The following OR9Q1 variants were observed in gnomAD, a reference collection of about 807,000 sequenced individuals.
OR9Q1 encodes the protein olfactory receptor 9Q1.
For missense variants in OR9Q1, 374 were observed against 378.8 expected (o/e 0.99, Z 0.11); for synonymous variants, 153 against 148.6 (o/e 1.03, Z -0.22).
intron 2 of OR9Q1, among the ~76,000 whole-genome samples, chr11:58,159,094 T>C (rs900538490): frequency 1.3e-5 from 2 of 152,036 alleles, no homozygotes; most frequent in Non-Finnish European, 2.9e-5. Flanking sequence ...TTAACTAATA[T>C]AAAAATCAGA....
At chr11:58,122,572 G>A (rs1854044949) in intron 2 of OR9Q1, among the ~76,000 whole-genome samples, 1 of 152,168 alleles carries the variant, frequency 6.6e-6, no homozygotes, top group Non-Finnish European at 1.5e-5. Flanking sequence ...AGCAATGCAG[G>A]CACTATTTCA....
At chr11:58,065,972 ACT>A (rs1461352261) in intron 2 of OR9Q1, among the ~76,000 whole-genome samples, 1 of 151,780 alleles carries the variant, frequency 6.6e-6, no homozygotes, top group Non-Finnish European at 1.5e-5. Flanking sequence ...ACCCCCAAAG[ACT>A]CTGAGGGAAC....
At chr11:58,155,748 T>C (rs1854401792) in intron 2 of OR9Q1, among the ~76,000 whole-genome samples, 1 of 152,150 alleles carries the variant, frequency 6.6e-6, no homozygotes, top group South Asian at 2.1e-4. Context: ...TCACCTGCTT[T>C]CCAAGGATGT....
chr11:58,062,887 G>A (rs542895148), intron 2 of OR9Q1, among the ~76,000 whole-genome samples: 29 of 152,278 alleles, frequency 1.9e-4, no homozygotes, highest in East Asian at 9.7e-4. Context: ...TTGAGGCTGC[G>A]TTGTTCTGCC....
At chr11:58,059,686 TCAAAAAAAAAAAA>T (rs1565064297) in intron 2 of OR9Q1, among the ~76,000 whole-genome samples, 1 of 15,460 alleles carries the variant, frequency 6.5e-5, no homozygotes. Context: ...AGGCTCTGTC[TCAAAAAAAAAAAA>T]AAAAAAAAAA....
At chr11:58,178,849 C>T (rs1854628861) in intron 2 of OR9Q1, among the ~76,000 whole-genome samples, 1 of 144,364 alleles carries the variant, frequency 6.9e-6, no homozygotes, top group African/African-American at 2.5e-5. Context: ...CTCTGAAGCC[C>T]TACATCACAC....
At chr11:58,159,692 G>A (rs1276641847) in intron 2 of OR9Q1, among the ~76,000 whole-genome samples, 2 of 152,220 alleles carry the variant, frequency 1.3e-5, no homozygotes, top group Non-Finnish European at 2.9e-5. Flanking sequence ...GAAAGTAATT[G>A]CCACAGTCTA....
At chr11:58,031,374 C>A in intron 1 of OR9Q1, 1 of 1,614,128 alleles carries the variant, frequency 6.2e-7, no homozygotes, top group African/African-American at 1.3e-5. Context: ...GCTTTTGTGT[C>A]CTGGGGCACC....
chr11:58,048,407 G>A (rs1382011009), intron 1 of OR9Q1, among the ~76,000 whole-genome samples: 1 of 151,266 alleles, frequency 6.6e-6, no homozygotes, highest in Non-Finnish European at 1.5e-5. Flanking sequence ...GGTGGCTCAC[G>A]CCTGTAATCC....
chr11:58,065,440 G>C (rs2441978), intron 2 of OR9Q1, among the ~76,000 whole-genome samples: 145,795 of 152,234 alleles, frequency 0.96, 70,143 homozygotes, highest in East Asian at 1. Context: ...TAAGACAGAC[G>C]TGGGGCAGGT....
chr11:58,106,718 CA>C (rs1297606334), intron 2 of OR9Q1, among the ~76,000 whole-genome samples: 1 of 152,152 alleles, frequency 6.6e-6, no homozygotes, highest in African/African-American at 2.4e-5. Context: ...TAGTGACATG[CA>C]GTTTTCTTAA....
intron 1 of OR9Q1, among the ~76,000 whole-genome samples, chr11:58,039,976 C>G (rs139212301): frequency 6.6e-6 from 1 of 152,148 alleles, no homozygotes; most frequent in East Asian, 1.9e-4. Flanking sequence ...ATTTATTACT[C>G]CTAAATTTAT....
chr11:58,141,748 C>A (rs1227352159), intron 2 of OR9Q1, among the ~76,000 whole-genome samples: 1 of 152,122 alleles, frequency 6.6e-6, no homozygotes, highest in Admixed American at 6.6e-5. Context: ...AATAGAAATG[C>A]CTGAGTGTGA....
chr11:58,129,092 T>C (rs1484092043), intron 2 of OR9Q1, among the ~76,000 whole-genome samples: 1 of 152,176 alleles, frequency 6.6e-6, no homozygotes, highest in East Asian at 1.9e-4. Context: ...TTGCTCCAGG[T>C]ACATATCTCT....
rs530960298 is a variant in OR9Q1 at position 58,133,813 on chromosome 11, C to A, written c.-14-45618C>A. ...TTGACGTTATAGAGAGAGCTAGAAGCAACAGGTAGGGTCTAAAATAGAACA... is the reference window on the plus strand; with the variant it reads ...TTGACGTTATAGAGAGAGCTAGAAGAAACAGGTAGGGTCTAAAATAGAACA... On this transcript the variant is annotated intron_variant, in intron 2 of 2. Coordinates refer to ENST00000335397, the MANE Select transcript of OR9Q1 (RefSeq NM_001005212.4). Among the ~76,000 whole-genome samples, 76 of 152,288 alleles carry A rather than the reference C, an allele frequency of 5.0e-4. 1 individual carries two copies. The highest frequency in any genetic ancestry group is 1.8e-3 in the African/African-American group (75 of 41,578).
At chr11:58,067,996 C>A (rs116098240) in intron 2 of OR9Q1, among the ~76,000 whole-genome samples, 2 of 152,072 alleles carry the variant, frequency 1.3e-5, no homozygotes, top group Non-Finnish European at 2.9e-5. Flanking sequence ...TTCTCACCCA[C>A]GCTGCCTCAC....
intron 1 of OR9Q1, among the ~76,000 whole-genome samples, chr11:58,025,473 G>C (rs2513722): frequency 6.6e-6 from 1 of 152,214 alleles, no homozygotes; most frequent in Non-Finnish European, 1.5e-5. Flanking sequence ...TGTTGGGATT[G>C]CAGGCGTGAG....
chr11:58,180,477 A>G lies in OR9Q1; in HGVS notation c.*100A>G. ...GCATGCTCAATGTTTAAATGAATAT[A>G]TTATGGTACTAGGTATAAAAAAGAA... On this transcript the variant is annotated 3_prime_UTR_variant, in exon 3 of 3. Transcript: ENST00000335397. 1.4e-6 allele frequency: 1 copy of G among 710,328 alleles called. No individual in the cohort carries two copies. The highest frequency in any genetic ancestry group is 2.4e-5 in the South Asian group (1 of 41,218). 44.0% of individuals were successfully genotyped at this position (710,328 alleles called of 1,614,324 possible). A position where few individuals can be genotyped will look rare whatever the true frequency, so the allele number is the denominator to read the frequency against.
intron 2 of OR9Q1, among the ~76,000 whole-genome samples, chr11:58,140,095 T>C (rs557918034): frequency 6.6e-6 from 1 of 152,324 alleles, no homozygotes; most frequent in East Asian, 1.9e-4. Context: ...TTTCGAGAAG[T>C]GTCTGTTCAT....
Sources: allele counts gnomAD v4.1 joint callset (sites outside exome capture counted in the v4.1 genomes callset), GRCh38; gene constraint gnomAD v4.1.1; transcripts MANE v1.5; gene names NCBI Gene and HGNC (gene_info 2026-07-23, HGNC 2026-07-21).